The following RERE variants were observed in gnomAD, a reference collection of about 807,000 sequenced individuals.
The protein encoded by RERE is arginine-glutamic acid dipeptide repeats, also known as arginine-glutamic acid dipeptide repeats protein.
RERE carries 40 observed loss-of-function variants against 146.1 expected under a neutral mutation model. That is an observed-to-expected ratio of 0.27 (90% CI 0.21 to 0.36). RERE has a LOEUF of 0.36. RERE is among the 10% of genes least tolerant of loss of function. The pLI is 1.00. For synonymous variants in RERE, 1,003 were observed against 866.0 expected, an observed-to-expected ratio of 1.16 and a Z score of -2.78; for missense variants, 1,933 against 2,138.7, an observed-to-expected ratio of 0.90 and a Z score of 1.90.
At chr1:8,616,999 G>T (rs1278776539) in intron 3 of RERE, among the ~76,000 whole-genome samples, 1 of 152,116 alleles carries the variant, frequency 6.6e-6, no homozygotes, top group Admixed American at 6.6e-5. Context: ...TGGCGGGAGG[G>T]GAGTATAGAT....
intron 2 of RERE, among the ~76,000 whole-genome samples, chr1:8,648,634 C>CT: frequency 6.6e-6 from 1 of 152,228 alleles, no homozygotes; most frequent in South Asian, 2.1e-4. Flanking sequence ...TTTTTTCCAG[C>CT]TTAAATTCCA....
intron 10 of RERE, among the ~76,000 whole-genome samples, chr1:8,479,652 A>G (rs533103928): frequency 1.3e-5 from 2 of 152,338 alleles, no homozygotes; most frequent in South Asian, 2.1e-4. Flanking sequence ...CAAAATGTGC[A>G]AACAGCCACC....
chr1:8,394,777 C>A (rs1642996906), intron 12 of RERE, among the ~76,000 whole-genome samples: 3 of 152,146 alleles, frequency 2.0e-5, no homozygotes, highest in Admixed American at 2.0e-4. Context: ...GCTCTGTAAA[C>A]CATAAAATCC....
intron 4 of RERE, among the ~76,000 whole-genome samples, chr1:8,565,570 G>C (rs1450557591): frequency 6.6e-6 from 1 of 152,076 alleles, no homozygotes; most frequent in African/African-American, 2.4e-5. Context: ...AGTTGGGTGT[G>C]GTGGTGGGTG....
intron 2 of RERE, among the ~76,000 whole-genome samples, chr1:8,628,195 T>C (rs1241587272): frequency 1.3e-5 from 2 of 152,140 alleles, no homozygotes; most frequent in Non-Finnish European, 2.9e-5. Context: ...GTGAGCTCTA[T>C]CAGTACTTTG....
intron 1 of RERE, among the ~76,000 whole-genome samples, chr1:8,674,659 T>C (rs1638794544): frequency 6.6e-6 from 1 of 152,204 alleles, no homozygotes; most frequent in Admixed American, 6.5e-5. Flanking sequence ...ATTCCAACTG[T>C]TTAAAGTCAA....
intron 2 of RERE, among the ~76,000 whole-genome samples, chr1:8,637,628 G>A (rs982453271): frequency 2.0e-5 from 3 of 152,020 alleles, no homozygotes; most frequent in East Asian, 1.9e-4. Flanking sequence ...CCCTTAACCC[G>A]GGGACCAAAA....
At chr1:8,714,053 G>T (rs1310175182) in intron 1 of RERE, among the ~76,000 whole-genome samples, 1 of 152,116 alleles carries the variant, frequency 6.6e-6, no homozygotes, top group East Asian at 1.9e-4. Flanking sequence ...ATCCTATCAT[G>T]ATAAAGTGCT....
intron 8 of RERE, among the ~76,000 whole-genome samples, chr1:8,502,757 G>A (rs1645191877): frequency 6.7e-6 from 1 of 148,540 alleles, no homozygotes; most frequent in African/African-American, 2.5e-5. Context: ...AAATTCTTCT[G>A]CCTTGGGATC....
intron 3 of RERE, among the ~76,000 whole-genome samples, chr1:8,617,101 T>C (rs911840554): frequency 6.6e-6 from 1 of 151,952 alleles, no homozygotes; most frequent in African/African-American, 2.4e-5. Context: ...TCCCAACACT[T>C]TGGGAGGCCG....
At chr1:8,542,898 T>C (rs1011322622) in intron 6 of RERE, among the ~76,000 whole-genome samples, 13 of 152,206 alleles carry the variant, frequency 8.5e-5, no homozygotes, top group African/African-American at 2.9e-4. Context: ...TTCTATAGAA[T>C]AGAAGCTACA....
In RERE at chr1:8,694,979, G is replaced by GT. The variant is rs897400013; in HGVS notation, c.-144-38539_-144-38538insA. On this transcript the variant is annotated intron_variant, in intron 1 of 22. Coordinates refer to ENST00000400908, the MANE Select transcript of RERE (RefSeq NM_001042681.2). ...AAGAGCCAAAGAAATCCTAAGGGGG[G>GT]GGGGGGAATGCTGGCAGCATCACAT... Among the ~76,000 whole-genome samples, 2 of 137,804 alleles carry GT rather than the reference G, an allele frequency of 1.5e-5. 1 individual carries two copies. Among genetic ancestry groups the GT allele is most frequent in the African/African-American group, 5.5e-5 (2 of 36,308 alleles). 90.4% of individuals were successfully genotyped at this position (137,804 alleles called of 152,430 possible).
chr1:8,673,521 G>A (rs1335442969), intron 1 of RERE, among the ~76,000 whole-genome samples: 3 of 152,112 alleles, frequency 2.0e-5, no homozygotes. Context: ...CCCTGACAAT[G>A]CCTACCTGGG....
chr1:8,575,798 A>AG (rs1292219695), intron 4 of RERE, among the ~76,000 whole-genome samples: 1 of 152,050 alleles, frequency 6.6e-6, no homozygotes, highest in African/African-American at 2.4e-5. Context: ...CCTACTTGGC[A>AG]GGGTACAAGG....
chr1:8,757,003 T>A (rs1640655272), intron 1 of RERE, among the ~76,000 whole-genome samples: 1 of 146,576 alleles, frequency 6.8e-6, no homozygotes, highest in African/African-American at 2.5e-5. Flanking sequence ...GGCAGGAGAA[T>A]CACTTGAACC....
At chr1:8,752,648 C>A (rs1448895963) in intron 1 of RERE, among the ~76,000 whole-genome samples, 1 of 152,086 alleles carries the variant, frequency 6.6e-6, no homozygotes, top group Non-Finnish European at 1.5e-5. Flanking sequence ...TTCTTAAAAC[C>A]TTGTGAGTTT....
At chr1:8,644,218 T>A (rs1647226323) in intron 2 of RERE, among the ~76,000 whole-genome samples, 1 of 152,210 alleles carries the variant, frequency 6.6e-6, no homozygotes, top group Admixed American at 6.5e-5. Context: ...TGTCTTTTTT[T>A]ATACAAGACA....
chr1:8,385,993 AAT>A (rs1553159745), intron 12 of RERE, among the ~76,000 whole-genome samples: 20 of 26,484 alleles, frequency 7.6e-4, no homozygotes, highest in Admixed American at 1.4e-3. Flanking sequence ...AAAAAAAAAA[AAT>A]ATATATATAT....
chr1:8,410,752 A>G (rs961811721), intron 12 of RERE, among the ~76,000 whole-genome samples: 1 of 152,210 alleles, frequency 6.6e-6, no homozygotes, highest in Non-Finnish European at 1.5e-5. Context: ...AGGATGCACA[A>G]GACTCCCCAA....
Sources: gnomAD v4.1 joint callset for allele counts (sites outside exome capture counted in the v4.1 genomes callset) on GRCh38, gnomAD v4.1.1 for gene constraint, MANE v1.5 for transcripts, NCBI Gene and HGNC (gene_info 2026-07-23, HGNC 2026-07-21) for gene names.